Variants in STK39 observed in about 807,000 individuals in gnomAD.
STK39 encodes the protein STE20/SPS1-related proline-alanine-rich protein kinase.
STK39 carries 20 observed loss-of-function variants against 77.8 expected under a neutral mutation model. The observed-to-expected ratio is 0.26, with a 90% confidence interval of 0.18 to 0.37. The LOEUF is 0.37. STK39 is among the 10% of genes least tolerant of loss of function. The pLI is 1.00. For missense variants in STK39, 479 were observed against 656.5 expected (o/e 0.73, Z 2.95); for synonymous variants, 246 against 234.1 (o/e 1.05, Z -0.47).
intron 4 of STK39, among the ~76,000 whole-genome samples, chr2:168,162,438 T>C (rs1688598469): frequency 6.6e-6 from 1 of 152,128 alleles, no homozygotes; most frequent in African/African-American, 2.4e-5. Flanking sequence ...GACTCTCTAT[T>C]TTATGCTTCA....
intron 14 of STK39, among the ~76,000 whole-genome samples, chr2:168,039,734 G>A (rs1357455353): frequency 6.6e-6 from 1 of 152,120 alleles, no homozygotes; most frequent in Admixed American, 6.5e-5. Context: ...GACTGTGATA[G>A]CTTCACGGGT....
chr2:168,085,562 G>A (rs934357109), intron 10 of STK39, among the ~76,000 whole-genome samples: 1 of 152,218 alleles, frequency 6.6e-6, no homozygotes, highest in Non-Finnish European at 1.5e-5. Flanking sequence ...TAGAGGACAA[G>A]GTCATGATTT....
chr2:168,059,435 A>G (rs1250939849), intron 14 of STK39, among the ~76,000 whole-genome samples: 1 of 152,136 alleles, frequency 6.6e-6, no homozygotes, highest in Non-Finnish European at 1.5e-5. Flanking sequence ...GAACAGAAAG[A>G]CCGAGGCCTT....
chr2:168,224,021 A>T (rs1690244562), intron 1 of STK39, among the ~76,000 whole-genome samples: 2 of 152,156 alleles, frequency 1.3e-5, no homozygotes, highest in African/African-American at 4.8e-5. Flanking sequence ...GTATTACTTT[A>T]CACACATAAA....
intron 15 of STK39, among the ~76,000 whole-genome samples, chr2:168,014,495 A>G (rs528773196): frequency 4.0e-5 from 6 of 151,100 alleles, no homozygotes; most frequent in Non-Finnish European, 4.4e-5. Flanking sequence ...AAAATAAAAA[A>G]AAAACACCTT....
intron 10 of STK39, among the ~76,000 whole-genome samples, chr2:168,109,863 G>C (rs1020762358): frequency 5.9e-5 from 9 of 152,134 alleles, no homozygotes; most frequent in African/African-American, 2.2e-4. Context: ...TTCTTCCTCA[G>C]GGAAGTACCT....
intron 16 of STK39, among the ~76,000 whole-genome samples, chr2:167,985,987 A>C (rs149346218): frequency 2.5e-4 from 38 of 152,320 alleles, no homozygotes; most frequent in Admixed American, 1.0e-3. Flanking sequence ...AAATACTTCT[A>C]TCATAGTGTC....
At chr2:168,042,577 C>CTTTTT (rs540413448) in intron 14 of STK39, among the ~76,000 whole-genome samples, 20 of 133,044 alleles carry the variant, frequency 1.5e-4, no homozygotes, top group Non-Finnish European at 1.3e-4. Flanking sequence ...TTCCTTCCTT[C>CTTTTT]TTTTTTTTTT....
At chr2:168,195,002 A>G (rs1001164695) in intron 1 of STK39, among the ~76,000 whole-genome samples, 2 of 152,242 alleles carry the variant, frequency 1.3e-5, no homozygotes, top group Admixed American at 6.5e-5. Context: ...TATGACTTAC[A>G]GTCACACATT....
At chr2:168,224,081 A>G (rs556060194) in intron 1 of STK39, among the ~76,000 whole-genome samples, 62 of 152,288 alleles carry the variant, frequency 4.1e-4, no homozygotes, top group African/African-American at 1.4e-3. Flanking sequence ...AAAAGATTAT[A>G]TATAGTCATA....
intron 12 of STK39, among the ~76,000 whole-genome samples, chr2:168,070,189 CAA>C (rs796364592): frequency 1.8e-4 from 28 of 152,204 alleles, no homozygotes; most frequent in African/African-American, 6.5e-4. Flanking sequence ...CCCCGACCCC[CAA>C]AGAGATGAAA....
chr2:168,049,610 A>G (rs1271277077), intron 14 of STK39, among the ~76,000 whole-genome samples: 1 of 152,250 alleles, frequency 6.6e-6, no homozygotes, highest in East Asian at 1.9e-4. Context: ...GTAAATGAGA[A>G]TAACATTAGT....
intron 5 of STK39, among the ~76,000 whole-genome samples, chr2:168,145,276 A>G (rs1688106367): frequency 6.6e-6 from 1 of 152,230 alleles, no homozygotes; most frequent in Non-Finnish European, 1.5e-5. Context: ...CCAGGCAGGA[A>G]TACAATGGAG....
In STK39 at chr2:168,017,037, A is replaced by G; in HGVS notation, c.1429+6T>C. ...CAATAAAATAATAACTTCAATTAAAACTTACCTCTTCCTGGAGTAAACTCA... is the reference window on the plus strand; with the variant it reads ...CAATAAAATAATAACTTCAATTAAAGCTTACCTCTTCCTGGAGTAAACTCA... On this transcript the variant is annotated splice_donor_region_variant and intron_variant, in intron 15 of 17. Coordinates refer to ENST00000355999, the MANE Select transcript of STK39 (RefSeq NM_013233.3). The G allele has an allele frequency of 6.3e-7, 1 of 1,599,232 alleles. No homozygotes were observed. The highest frequency in any genetic ancestry group is 1.1e-5 in the South Asian group (1 of 88,216).
intron 10 of STK39, among the ~76,000 whole-genome samples, chr2:168,094,112 T>C (rs1259795498): frequency 6.6e-6 from 1 of 152,130 alleles, no homozygotes; most frequent in African/African-American, 2.4e-5. Flanking sequence ...CTGTGCGCCA[T>C]TCCAACCCAG....
chr2:168,128,801 G>C (rs1559110877), intron 10 of STK39, among the ~76,000 whole-genome samples: 1 of 152,108 alleles, frequency 6.6e-6, no homozygotes, highest in Non-Finnish European at 1.5e-5. Context: ...AGCTTTCTCT[G>C]TAACTGTAAA....
At chr2:167,984,574 C>T in intron 16 of STK39, among the ~76,000 whole-genome samples, 1 of 152,158 alleles carries the variant, frequency 6.6e-6, no homozygotes, top group East Asian at 1.9e-4. Flanking sequence ...CCTAAAAGCA[C>T]AGACATTCTA....
At chr2:168,088,204 T>C (rs1236785566) in intron 10 of STK39, among the ~76,000 whole-genome samples, 1 of 152,200 alleles carries the variant, frequency 6.6e-6, no homozygotes, top group Non-Finnish European at 1.5e-5. Flanking sequence ...TACAAATGTA[T>C]GCAAACATTT....
chr2:168,118,613 AAAAAAAAAAAC>A (rs1478612423), intron 10 of STK39, among the ~76,000 whole-genome samples: 3 of 151,624 alleles, frequency 2.0e-5, no homozygotes, highest in South Asian at 2.1e-4. Flanking sequence ...AAAAAAAAAA[AAAAAAAAAAAC>A]AACAACTCAA....
Sources: allele counts gnomAD v4.1 joint callset (sites outside exome capture counted in the v4.1 genomes callset), GRCh38; gene constraint gnomAD v4.1.1; transcripts MANE v1.5; gene names NCBI Gene and HGNC (gene_info 2026-07-23, HGNC 2026-07-21).